Variants in PCDHA9 observed in about 807,000 individuals in gnomAD.
The protein encoded by PCDHA9 is protocadherin alpha 9, also known as protocadherin alpha-9.
In PCDHA9, 62 loss-of-function variants were observed where a neutral mutation model predicts 62.0. The ratio of observed to expected loss-of-function variants is 1.00; its 90% CI spans 0.81 to 1.23. The LOEUF (loss-of-function observed/expected upper bound fraction) is 1.23. PCDHA9 is among the 50% of genes most tolerant of loss of function. The pLI is 0.00. For missense variants in PCDHA9, 1,205 were observed against 1,249.8 expected (o/e 0.96, Z 0.54); for synonymous variants, 557 against 567.6 (o/e 0.98, Z 0.27).
intron 1 of PCDHA9, among the ~76,000 whole-genome samples, chr5:140,904,096 T>C (rs2153483454): frequency 6.6e-6 from 1 of 152,312 alleles, no homozygotes; most frequent in Admixed American, 6.5e-5. Flanking sequence ...AATAACTACT[T>C]TAGTGGTCAT....
chr5:140,852,802 T>G (rs2042479585), intron 1 of PCDHA9: 1 of 976,830 alleles, frequency 1.0e-6, no homozygotes, highest in Admixed American at 6.3e-5. Context: ...CAGATGTCAT[T>G]TGTCTCCCGC....
intron 1 of PCDHA9, among the ~76,000 whole-genome samples, chr5:140,977,966 G>A (rs562447024): frequency 3.9e-5 from 6 of 152,004 alleles, no homozygotes; most frequent in South Asian, 4.2e-4. Context: ...CTCAATCTCC[G>A]CCCATGAAAA....
At chr5:140,878,933 A>G (rs2057778648) in intron 1 of PCDHA9, among the ~76,000 whole-genome samples, 2 of 152,224 alleles carry the variant, frequency 1.3e-5, no homozygotes, top group Admixed American at 1.3e-4. Context: ...AATAATTTTA[A>G]ATAAATATAT....
At position 140,963,092 on chromosome 5, in the gene PCDHA9, C is replaced by T. The variant is rs1202521389; in HGVS notation, c.2395-15857C>T. Among the ~76,000 whole-genome samples, 3 of 151,976 alleles carry T rather than the reference C, an allele frequency of 2.0e-5. No homozygotes were observed. The South Asian group carries it at 6.2e-4, about 32-fold the overall frequency. On this transcript the variant is annotated intron_variant, in intron 1 of 3. Transcript: ENST00000532602. Reference sequence around the variant, plus strand: ...GGAGACAGAAATATAAGACATGGCTCCTGCTTTCAGGTTGCTTATAATTAA... The same window carrying T: ...GGAGACAGAAATATAAGACATGGCTTCTGCTTTCAGGTTGCTTATAATTAA...
chr5:140,976,378 C>A (rs908008970), intron 1 of PCDHA9, among the ~76,000 whole-genome samples: 2 of 151,926 alleles, frequency 1.3e-5, no homozygotes, highest in Non-Finnish European at 2.9e-5. Flanking sequence ...TGGTGAAACC[C>A]CATCTCTACT....
chr5:140,942,995 G>A (rs933167090), intron 1 of PCDHA9, among the ~76,000 whole-genome samples: 7 of 152,042 alleles, frequency 4.6e-5, no homozygotes, highest in African/African-American at 1.2e-4. Context: ...GGTGGCTCAT[G>A]CCTGTAATCC....
In PCDHA9 at chr5:140,951,110, T is replaced by A. The variant is rs1230697929; in HGVS notation, c.2395-27839T>A. Reference sequence around the variant, plus strand: ...TTTTTCTGATAAGATTTCCTTTATTTTCATTCCTTACCAATAAGTTTTCCT... The same window carrying A: ...TTTTTCTGATAAGATTTCCTTTATTATCATTCCTTACCAATAAGTTTTCCT... On this transcript the variant is annotated intron_variant, in intron 1 of 3. Transcript: ENST00000532602. Among the ~76,000 whole-genome samples, 5 of 150,004 alleles carry A rather than the reference T, an allele frequency of 3.3e-5. No homozygotes were observed. The East Asian group carries it at 9.8e-4, about 29-fold the overall frequency.
rs190430267 is a variant in PCDHA9 at position 140,870,766 on chromosome 5, C to A, written c.2394+19877C>A. The A allele has an allele frequency of 3.4e-4, 554 of 1,613,562 alleles. 3 individuals are homozygous for A. The African/African-American group carries it at 6.6e-3, about 19-fold the overall frequency. On this transcript the variant is annotated intron_variant, in intron 1 of 3. Coordinates refer to ENST00000532602, the MANE Select transcript of PCDHA9 (RefSeq NM_031857.2). ...CAACGTGACGCTGCAGGTGTTCGTG[C>A]TGGACGAGAACGACAACGCGCCGGC...
At chr5:140,933,480 G>C (rs1255769578) in intron 1 of PCDHA9, among the ~76,000 whole-genome samples, 1 of 151,846 alleles carries the variant, frequency 6.6e-6, no homozygotes, top group South Asian at 2.1e-4. Flanking sequence ...ACACATTATG[G>C]TTATTCTTTA....
At chr5:140,987,322 T>G (rs1160600975) in intron 3 of PCDHA9, among the ~76,000 whole-genome samples, 3 of 152,200 alleles carry the variant, frequency 2.0e-5, no homozygotes, top group Non-Finnish European at 4.4e-5. Flanking sequence ...CTGTGAAGTT[T>G]TAAGAACTGG....
chr5:140,947,882 T>C (rs1554218353), intron 1 of PCDHA9, among the ~76,000 whole-genome samples: 1 of 151,580 alleles, frequency 6.6e-6, no homozygotes, highest in Non-Finnish European at 1.5e-5. Context: ...TCCAGGACAA[T>C]ATAAACAGAA....
At chr5:140,964,118 C>G (rs1325218833) in intron 1 of PCDHA9, among the ~76,000 whole-genome samples, 1 of 151,942 alleles carries the variant, frequency 6.6e-6, no homozygotes, top group African/African-American at 2.4e-5. Flanking sequence ...CAATCACATT[C>G]TAACAACTAG....
At chr5:141,005,442 G>A (rs529691807) in intron 3 of PCDHA9, among the ~76,000 whole-genome samples, 39 of 152,092 alleles carry the variant, frequency 2.6e-4, no homozygotes, top group Middle Eastern at 3.4e-3. Context: ...AGAGGCTCAC[G>A]CCTGTAATCC....
chr5:140,850,347 G>T lies in PCDHA9; in HGVS notation c.1852G>T (p.Ala618Ser). The change falls in exon 1 of 4, where the codon GCG (alanine) becomes TCG (serine). Residue 618 changes from alanine (A) to serine (S), a missense_variant. Ala to Ser is a moderately conservative substitution (Grantham distance 99). Coordinates refer to ENST00000532602, the MANE Select transcript of PCDHA9 (RefSeq NM_031857.2). Reference protein sequence around the residue: ...SYELQPETASASIPFRVGLYT... With the variant: ...SYELQPETASSSIPFRVGLYT... ...CGAGCTGCAGCCAGAAACGGCCAGC[G>T]CGAGCATCCCGTTCCGCGTGGGGCT... is the stretch of plus-strand genomic sequence containing the variant. The T allele has an allele frequency of 5.6e-6, 9 of 1,597,856 alleles. No homozygotes were observed. Among genetic ancestry groups the T allele is most frequent in the Non-Finnish European group, 7.7e-6 (9 of 1,167,708 alleles).
intron 3 of PCDHA9, among the ~76,000 whole-genome samples, chr5:141,007,475 C>G (rs575810038): frequency 1.3e-5 from 2 of 151,322 alleles, no homozygotes; most frequent in Non-Finnish European, 2.9e-5. Context: ...GGCTGAGGCA[C>G]GAGAATTACT....
intron 1 of PCDHA9, among the ~76,000 whole-genome samples, chr5:140,975,707 A>C (rs1445809800): frequency 6.6e-6 from 1 of 152,204 alleles, no homozygotes; most frequent in African/African-American, 2.4e-5. Context: ...ATTTTACTTT[A>C]AATCTTAGAA....
chr5:140,884,497 C>T, intron 1 of PCDHA9: 1 of 1,614,042 alleles, frequency 6.2e-7, no homozygotes, highest in Non-Finnish European at 8.5e-7. Flanking sequence ...TGTGCTCCAG[C>T]GCGGCAGGGA....
chr5:140,882,539 G>A (rs1303287274), intron 1 of PCDHA9: 2 of 1,614,110 alleles, frequency 1.2e-6, no homozygotes, highest in African/African-American at 2.7e-5. Flanking sequence ...TTCTCGGATC[G>A]ACCGCGAGGA....
chr5:140,967,100 G>A, intron 1 of PCDHA9: 1 of 1,613,092 alleles, frequency 6.2e-7, no homozygotes, highest in Non-Finnish European at 8.5e-7. Context: ...GGCGCTGTGT[G>A]AGCAGCGGCC....
Sources: gnomAD v4.1 joint callset for allele counts (sites outside exome capture counted in the v4.1 genomes callset) on GRCh38, gnomAD v4.1.1 for gene constraint, MANE v1.5 for transcripts, NCBI Gene and HGNC (gene_info 2026-07-23, HGNC 2026-07-21) for gene names.